POU6F1: variants seen among roughly 807,000 people sequenced by gnomAD.
POU6F1 encodes the protein POU domain, class 6, transcription factor 1.
Under a neutral mutation model 28.9 loss-of-function variants are expected in POU6F1, and 9 were observed. The ratio of observed to expected loss-of-function variants is 0.31; its 90% CI spans 0.19 to 0.54. The LOEUF is 0.54. POU6F1 is among the 20% of genes least tolerant of loss of function. The pLI is 0.94. For missense variants in POU6F1, 338 were observed against 426.1 expected (o/e 0.79, Z 1.82); for synonymous variants, 173 against 171.1 (o/e 1.01, Z -0.09).
chr12:51,217,428 G>C lies in POU6F1; in HGVS notation c.-48+214C>G, dbSNP rs1944345760. ...CGCGGCCCCCGGGTGTCTAGCCCCAGCTGGGCAACCGCGCGCTGTCCCGCT... is the reference window on the plus strand; with the variant it reads ...CGCGGCCCCCGGGTGTCTAGCCCCACCTGGGCAACCGCGCGCTGTCCCGCT... On this transcript the variant is annotated intron_variant, in intron 1 of 10. Coordinates refer to ENST00000333640, the MANE Select transcript of POU6F1 (RefSeq NM_001330422.2). The surrounding 1 kb of genome is among the most constrained non-coding windows in gnomAD (Gnocchi z 5.3). Among the ~76,000 whole-genome samples the C allele has an allele frequency of 6.6e-6, 1 of 152,034 alleles. No homozygotes were observed. Among genetic ancestry groups the C allele is most frequent in the South Asian group, 2.1e-4 (1 of 4,834 alleles).
chr12:51,216,708 C>T (rs1239112648), intron 1 of POU6F1, among the ~76,000 whole-genome samples: 3 of 152,116 alleles, frequency 2.0e-5, no homozygotes, highest in African/African-American at 7.2e-5. Context: ...TGTATATGAA[C>T]AATTGAAGAC....
rs997703806 is a variant in POU6F1 at position 51,196,946 on chromosome 12, C to A, written c.847-19G>T. 1.4e-6 allele frequency: 2 copies of A among 1,481,430 alleles called. No individual in the cohort carries two copies. Among genetic ancestry groups the A allele is most frequent in the South Asian group, 1.2e-5 (1 of 85,216 alleles). The allele number at this position is 1,481,430 out of a possible 1,614,324, so 91.8% of individuals were successfully genotyped here. A position where few individuals can be genotyped will look rare whatever the true frequency, so the allele number is the denominator to read the frequency against. On this transcript the variant is annotated intron_variant, in intron 6 of 10. Coordinates refer to ENST00000333640, the MANE Select transcript of POU6F1 (RefSeq NM_001330422.2). The stretch of plus-strand genomic sequence containing the variant: ...CACTGATCTGTGGGTGGAGGAAGAG[C>A]CTTGCTCAGAAGCCAAGGGGTGAGA...
At chr12:51,211,318 C>T (rs1474937102) in intron 1 of POU6F1, among the ~76,000 whole-genome samples, 1 of 152,204 alleles carries the variant, frequency 6.6e-6, no homozygotes, top group Non-Finnish European at 1.5e-5. Flanking sequence ...CAGAGCCCAC[C>T]AAGGGCCCTC....
chr12:51,201,120 C>T (rs1412524757), intron 3 of POU6F1, among the ~76,000 whole-genome samples: 1 of 152,178 alleles, frequency 6.6e-6, no homozygotes, highest in African/African-American at 2.4e-5. Flanking sequence ...GCTCCCCCTG[C>T]GATATGGCCA....
At chr12:51,207,006 G>T in intron 1 of POU6F1, 123 bp from the exon 2 acceptor site, 1 of 370,512 alleles carries the variant, frequency 2.7e-6, no homozygotes, top group Non-Finnish European at 4.8e-6. Flanking sequence ...CCAAGTATCT[G>T]TAGAGGTTAA....
intron 1 of POU6F1, among the ~76,000 whole-genome samples, chr12:51,208,838 G>A (rs967382428): frequency 2.0e-5 from 3 of 152,090 alleles, no homozygotes; most frequent in African/African-American, 7.2e-5. Context: ...TCAGGAGATT[G>A]AGGCAGGAGG....
intron 3 of POU6F1, among the ~76,000 whole-genome samples, chr12:51,202,960 C>G (rs1042113570): frequency 6.6e-6 from 1 of 152,138 alleles, no homozygotes; most frequent in Non-Finnish European, 1.5e-5. Flanking sequence ...GTTTTAAAAA[C>G]AGGAAACCCT....
chr12:51,206,266 A>C (rs2137188907), intron 2 of POU6F1, among the ~76,000 whole-genome samples: 1 of 151,366 alleles, frequency 6.6e-6, no homozygotes, highest in East Asian at 2.0e-4. Flanking sequence ...TACTAAAAAT[A>C]CAAAAAATTA....
intron 8 of POU6F1, among the ~76,000 whole-genome samples, chr12:51,193,524 C>T (rs184398742): frequency 3.3e-5 from 5 of 151,868 alleles, no homozygotes; most frequent in East Asian, 1.9e-4. Context: ...TGCAGTAAGC[C>T]GAGAGATCAT....
At position 51,190,550 on chromosome 12, in the gene POU6F1, T is replaced by C; in HGVS notation, c.1533A>G (p.Leu511=). 4 of 1,614,158 alleles carry C rather than the reference T, an allele frequency of 2.5e-6. No homozygotes were observed. The highest frequency in any genetic ancestry group is 2.5e-6 in the Non-Finnish European group (3 of 1,180,012). ...TTAGCCACTTTTCCAGCACCGGCTT[T>C]AGCTTCTGGGCACTCTTGGGTGTGA... The part of the protein sequence containing the change: ...LDITPKSAQK[L]KPVLEKWLNE... Residue 511 remains leucine (L), a synonymous_variant, in exon 11 of 11, where the codon CTA becomes CTG. Coordinates refer to ENST00000333640, the MANE Select transcript of POU6F1 (RefSeq NM_001330422.2). This position sits in a 1 kb window ranked among gnomAD's most constrained non-coding sequence, Gnocchi z 4.5.
At chr12:51,203,461 T>A (rs1943360790) in intron 3 of POU6F1, among the ~76,000 whole-genome samples, 1 of 152,068 alleles carries the variant, frequency 6.6e-6, no homozygotes, top group South Asian at 2.1e-4. Context: ...ATTTCCAGGC[T>A]AGGGAAAAAT....
chr12:51,193,183 A>G (rs1297359687), intron 8 of POU6F1, among the ~76,000 whole-genome samples: 1 of 152,236 alleles, frequency 6.6e-6, no homozygotes, highest in Non-Finnish European at 1.5e-5. Flanking sequence ...CGCATTGAAC[A>G]GGGAAACTGG....
intron 7 of POU6F1, among the ~76,000 whole-genome samples, 174 bp downstream of exon 7, chr12:51,196,625 G>A (rs964447786): frequency 5.9e-5 from 9 of 152,252 alleles, no homozygotes; most frequent in African/African-American, 2.2e-4. Context: ...GGACAGGGTG[G>A]TGGCTACACC....
intron 2 of POU6F1, among the ~76,000 whole-genome samples, chr12:51,204,892 C>T (rs764187684): frequency 2.6e-5 from 4 of 152,164 alleles, no homozygotes; most frequent in Non-Finnish European, 4.4e-5. Context: ...TGAGTAACTT[C>T]TATCGCCCAT....
chr12:51,200,866 T>C lies in POU6F1; in HGVS notation c.245-998A>G, dbSNP rs559879154. ...CCACGCCTGGCTAATTTTTTTCTTG[T>C]ATTTTTAGGAGAGATGGGTTTTCAC... is the stretch of plus-strand genomic sequence containing the variant. On this transcript the variant is annotated intron_variant, in intron 3 of 10. Transcript: ENST00000333640. Among the ~76,000 whole-genome samples the C allele has an allele frequency of 4.6e-5, 7 of 152,106 alleles. No homozygotes were observed. In the South Asian group the frequency reaches 1.0e-3, roughly 23 times the overall value.
At position 51,204,333 on chromosome 12, in the gene POU6F1, C is replaced by A; in HGVS notation, c.84G>T (p.Val28=). ...GTTGGGCATCCACTCCGACTTCCAG[C>A]ACTCGGATGGTCTCATGACCTGACA... ...IVMSGHETIR[V]LEVGVDAQLP... is the part of the protein sequence containing the mutation. The change falls in exon 3 of 11, where the codon GTG becomes GTT. Residue 28 remains valine, a synonymous_variant. Coordinates refer to ENST00000333640, the MANE Select transcript of POU6F1 (RefSeq NM_001330422.2). 1 of 399,348 alleles carries A rather than the reference C, an allele frequency of 2.5e-6. No individual in the cohort carries two copies. Among genetic ancestry groups the A allele is most frequent in the South Asian group, 1.3e-4 (1 of 7,858 alleles). 24.7% of individuals were successfully genotyped at this position (399,348 alleles called of 1,614,324 possible).
chr12:51,216,442 T>C (rs1944288449), intron 1 of POU6F1, among the ~76,000 whole-genome samples: 1 of 152,208 alleles, frequency 6.6e-6, no homozygotes, highest in Non-Finnish European at 1.5e-5. Flanking sequence ...AGCATCTACT[T>C]GTCCACCCCC....
At chr12:51,205,872 T>G (rs1465972212) in intron 2 of POU6F1, among the ~76,000 whole-genome samples, 2 of 149,408 alleles carry the variant, frequency 1.3e-5, no homozygotes, top group African/African-American at 2.5e-5. Flanking sequence ...AGGCTGGAGT[T>G]CAGTGGCGCG....
chr12:51,200,146 G>T (rs1943114414), intron 3 of POU6F1, among the ~76,000 whole-genome samples: 2 of 152,174 alleles, frequency 1.3e-5, no homozygotes, highest in South Asian at 4.1e-4. Flanking sequence ...AGATACCCAG[G>T]TGAGTGTTAG....
Sources: allele counts gnomAD v4.1 joint callset (sites outside exome capture counted in the v4.1 genomes callset), GRCh38; gene constraint gnomAD v4.1.1; non-coding constraint Gnocchi (gnomAD v3.1); transcripts MANE v1.5; gene names NCBI Gene and HGNC (gene_info 2026-07-23, HGNC 2026-07-21).